Variants in RFC1 observed in about 807,000 individuals in gnomAD.
RFC1 encodes A1 140 kDa subunit.
Under a neutral mutation model 137.4 loss-of-function variants are expected in RFC1, and 37 were observed. The ratio of observed to expected loss-of-function variants is 0.27; its 90% CI spans 0.21 to 0.35. The LOEUF (loss-of-function observed/expected upper bound fraction) is 0.35, where lower values mean the gene tolerates loss of function less well. Ranked by LOEUF, RFC1 falls within the 10% of genes least tolerant of loss-of-function variation. RFC1 has a pLI of 1.00. For synonymous variants in RFC1, 429 were observed against 455.7 expected (o/e 0.94, Z 0.75); for missense variants, 1,205 against 1,358.5 (o/e 0.89, Z 1.78).
At chr4:39,363,995 G>A (rs1404194317) in intron 1 of RFC1, among the ~76,000 whole-genome samples, 5 of 148,632 alleles carry the variant, frequency 3.4e-5, no homozygotes, top group East Asian at 2.0e-4. Context: ...TGGAAGGATC[G>A]CTTGTACCCC....
In RFC1 at chr4:39,308,952, T is replaced by A. The variant is rs1738828942; in HGVS notation, c.1569A>T (p.Glu523Asp). ...TCGGCCTGCTCTTTTTAGATTCTGA[T>A]TCCTTTTTAGATGGACTAATTTTTC... ...GKRKISPSKK[E>D]SESKKSRPTS... Residue 523 changes from glutamate (E) to aspartate (D), a missense_variant, in exon 13 of 25, where the codon GAA becomes GAT. Coordinates refer to ENST00000349703, the MANE Select transcript of RFC1 (RefSeq NM_002913.5). The A allele has an allele frequency of 6.2e-7, 1 of 1,614,012 alleles. No individual in the cohort carries two copies.
chr4:39,323,365 A>G lies in RFC1; in HGVS notation c.695T>C (p.Leu232Ser). Residue 232 changes from leucine (L) to serine (S), a missense_variant, in exon 7 of 25, where the codon TTG (leucine) becomes TCG (serine). Leu to Ser is a moderately radical substitution (Grantham distance 145). Around this residue, in one of 3 missense-constraint regions of RFC1, gnomAD observed 962 missense variants for 1,035.3 expected, o/e 0.93. Transcript: ENST00000349703. ...CTTTTTGGTCTTGGGTTCTTCATCC[A>G]ACATGGCTAATGTTCTGGCAAACTC... The part of the protein sequence containing the change: ...DEEFARTLAM[L>S]DEEPKTKKAR... The G allele has an allele frequency of 6.2e-7, 1 of 1,614,076 alleles. No homozygotes were observed. The highest frequency in any genetic ancestry group is 8.5e-7 in the Non-Finnish European group (1 of 1,179,968).
intron 4 of RFC1, among the ~76,000 whole-genome samples, chr4:39,340,111 C>T (rs1740540572): frequency 6.6e-6 from 1 of 152,164 alleles, no homozygotes; most frequent in Non-Finnish European, 1.5e-5. Context: ...CTCCATTTTA[C>T]ATATAAGTAA....
At position 39,323,342 on chromosome 4, in the gene RFC1, TTTTGG is replaced by T; in HGVS notation, c.713_717del (p.Thr238LysfsTer21). ...CAAATAGCCCAACATTATGCCACCT[TTTTGG>T]TCTTGGGTTCTTCATCCAACATGGC... On this transcript the variant is annotated frameshift_variant, in exon 7 of 25. Transcript: ENST00000349703. LOFTEE classifies it high-confidence loss of function. The T allele has an allele frequency of 6.2e-7, 1 of 1,613,918 alleles. No individual in the cohort carries two copies. The highest frequency in any genetic ancestry group is 1.1e-5 in the South Asian group (1 of 91,070).
Position 39,302,615 on chromosome 4 carries a change from A to C in RFC1, c.2341-20T>G, listed in dbSNP as rs1335385161. 1.3e-6 allele frequency: 2 copies of C among 1,538,754 alleles called. No individual in the cohort carries two copies. The highest frequency in any genetic ancestry group is 8.9e-7 in the Non-Finnish European group (1 of 1,127,574). On this transcript the variant is annotated intron_variant, in intron 17 of 24. Coordinates refer to ENST00000349703, the MANE Select transcript of RFC1 (RefSeq NM_002913.5). Reference sequence around the variant, plus strand: ...AGCACCCTGAAATTGACAAGGGAGGAGTCCTCAATGATTTTTAACTCATAT... The same window carrying C: ...AGCACCCTGAAATTGACAAGGGAGGCGTCCTCAATGATTTTTAACTCATAT...
chr4:39,345,255 T>TCTGC (rs1740794232), intron 3 of RFC1, 146 bp downstream of exon 3: 4 of 581,440 alleles, frequency 6.9e-6, no homozygotes, highest in Non-Finnish European at 1.2e-5. Context: ...CCTCAAGTCA[T>TCTGC]CTGCCTGCCT....
At chr4:39,345,342 T>C (rs1740800357) in intron 3 of RFC1, 59 bp downstream of exon 3, 2 of 1,421,868 alleles carry the variant, frequency 1.4e-6, no homozygotes, top group South Asian at 2.4e-5. Context: ...TTTAAAGCAC[T>C]GTTCTAAGGG....
At chr4:39,315,747 C>T (rs1739207814) in intron 10 of RFC1, among the ~76,000 whole-genome samples, 1 of 152,178 alleles carries the variant, frequency 6.6e-6, no homozygotes, top group Non-Finnish European at 1.5e-5. Flanking sequence ...ATAGATTTTG[C>T]CTCTTCTAGT....
chr4:39,302,812 A>C lies in RFC1; in HGVS notation c.2265T>G (p.Asn755Lys). ...GAACCAGAGAGCGAATCTTGGGATG[A>C]TTTCTATCATTGCACATACAAATAA... is the stretch of plus-strand genomic sequence containing the variant. ...IPIICMCNDR[N>K]HPKIRSLVHY... is the part of the protein sequence containing the mutation. Residue 755 changes from asparagine to lysine, a missense_variant, in exon 17 of 25, where the codon AAT becomes AAG. This residue lies in a region of RFC1 where 962 missense variants were observed against 1,035.3 expected (regional missense o/e 0.93). Transcript: ENST00000349703. 1.9e-6 allele frequency: 3 copies of C among 1,602,322 alleles called. No homozygotes were observed. The South Asian group carries it at 3.4e-5, about 18-fold the overall frequency.
chr4:39,323,416 A>G lies in RFC1; in HGVS notation c.644T>C (p.Leu215Pro). Residue 215 changes from leucine to proline, a missense_variant and splice_region_variant, in exon 7 of 25, where the codon CTG becomes CCG. Around this residue, in one of 3 missense-constraint regions of RFC1, gnomAD observed 962 missense variants for 1,035.3 expected, o/e 0.93. Coordinates refer to ENST00000349703, the MANE Select transcript of RFC1 (RefSeq NM_002913.5). ...KQLQLDEDAELERQLHEDEEF... is the reference protein window; with the variant it reads ...KQLQLDEDAEPERQLHEDEEF... ...TTCATCTTCATGCAACTGCCTCTCCAGCTGTAAAATGTGTCAGCAAAGTGA... is the reference window on the plus strand; with the variant it reads ...TTCATCTTCATGCAACTGCCTCTCCGGCTGTAAAATGTGTCAGCAAAGTGA... The G allele has an allele frequency of 6.2e-7, 1 of 1,613,990 alleles. No homozygotes were observed. The highest frequency in any genetic ancestry group is 8.5e-7 in the Non-Finnish European group (1 of 1,179,898).
In RFC1 at chr4:39,320,520, C is replaced by G. The variant is rs1197925875; in HGVS notation, c.958G>C (p.Ala320Pro). 6.2e-7 allele frequency: 1 copy of G among 1,612,126 alleles called. No individual in the cohort carries two copies. Among genetic ancestry groups the G allele is most frequent in the Non-Finnish European group, 8.5e-7 (1 of 1,179,636 alleles). Residue 320 changes from alanine to proline, a missense_variant, in exon 9 of 25, where the codon GCA (alanine) becomes CCA (proline). Ala to Pro is a conservative substitution (Grantham distance 27). Transcript: ENST00000349703. ...CTCTCTTCTTTTCTTTTCATAATTGCCAGCTTAGAACTGGCCTTGGGAGAA... is the reference window on the plus strand; with the variant it reads ...CTCTCTTCTTTTCTTTTCATAATTGGCAGCTTAGAACTGGCCTTGGGAGAA... ...VSSPKASSKL[A>P]IMKRKEESSY...
At position 39,311,640 on chromosome 4, in the gene RFC1, T is replaced by C. The variant is rs1738966168; in HGVS notation, c.1384-91A>G. ...AAAAAAAAATTCTAGGGCCTATTAG[T>C]AGGTGAAAAACCACATTCGTAAATT... On this transcript the variant is annotated intron_variant, in intron 11 of 24. Coordinates refer to ENST00000349703, the MANE Select transcript of RFC1 (RefSeq NM_002913.5). The C allele has an allele frequency of 1.2e-5, 10 of 836,558 alleles. 1 individual carries two copies. In the South Asian group the frequency reaches 1.8e-4, roughly 15 times the overall value. 51.8% of individuals were successfully genotyped at this position (836,558 alleles called of 1,614,324 possible).
At chr4:39,349,506 G>A (rs971360151) in intron 2 of RFC1, among the ~76,000 whole-genome samples, 1 of 152,168 alleles carries the variant, frequency 6.6e-6, no homozygotes, top group Admixed American at 6.5e-5. Context: ...AAGAGGCTAT[G>A]TGAGGACAAC....
At chr4:39,319,702 C>T (rs1298173741) in intron 9 of RFC1, among the ~76,000 whole-genome samples, 2 of 152,154 alleles carry the variant, frequency 1.3e-5, no homozygotes, top group African/African-American at 4.8e-5. Flanking sequence ...AGGGTATGTT[C>T]CAAGACCACC....
intron 12 of RFC1, among the ~76,000 whole-genome samples, chr4:39,309,480 A>G (rs1738858102): frequency 6.6e-6 from 1 of 152,246 alleles, no homozygotes; most frequent in African/African-American, 2.4e-5. Flanking sequence ...ACAATGAAAT[A>G]TTATTTACCC....
chr4:39,303,246 A>C, intron 15 of RFC1, 95 bp from the exon 16 acceptor site: 1 of 798,948 alleles, frequency 1.3e-6, no homozygotes, highest in Non-Finnish European at 2.2e-6. Context: ...ACAGATATTA[A>C]ACTTCAAAAG....
intron 1 of RFC1, among the ~76,000 whole-genome samples, chr4:39,355,143 C>A (rs938958840): frequency 8.8e-6 from 1 of 114,110 alleles, no homozygotes; most frequent in Non-Finnish European, 1.9e-5. Flanking sequence ...ACACAACAGG[C>A]CAGGTGTGGT....
intron 2 of RFC1, among the ~76,000 whole-genome samples, chr4:39,348,437 A>G (rs867654172): frequency 1.5e-3 from 156 of 106,982 alleles, no homozygotes; most frequent in Middle Eastern, 4.3e-3. Flanking sequence ...AAGAAAAGAA[A>G]AGAAAAGAAA....
intron 14 of RFC1, among the ~76,000 whole-genome samples, chr4:39,305,599 CTG>C (rs1738599094): frequency 6.6e-6 from 1 of 152,036 alleles, no homozygotes; most frequent in Non-Finnish European, 1.5e-5. Flanking sequence ...CAGAGTAAAA[CTG>C]TGTCTCAAAA....
Sources: allele counts gnomAD v4.1 joint callset (sites outside exome capture counted in the v4.1 genomes callset), GRCh38; gene constraint gnomAD v4.1.1; regional missense constraint gnomAD v4.1.1; transcripts MANE v1.5; gene names NCBI Gene and HGNC (gene_info 2026-07-23, HGNC 2026-07-21).